NEURL2: variants seen among roughly 807,000 people sequenced by gnomAD.
NEURL2 encodes neuralized-like protein 2.
A neutral mutation model predicts 15.9 loss-of-function variants in NEURL2; 16 were observed. The observed-to-expected ratio is 1.01, with a 90% CI of 0.68 to 1.53. NEURL2 has a LOEUF of 1.53. Ranked by LOEUF, NEURL2 falls within the 40% of genes most tolerant of loss-of-function variation. The pLI is 0.00. For missense variants in NEURL2, 393 were observed against 407.8 expected (o/e 0.96, Z 0.31); for synonymous variants, 188 against 178.3 (o/e 1.05, Z -0.43).
chr20:45,890,612 C>T lies in NEURL2; in HGVS notation c.380G>A (p.Arg127His), dbSNP rs1374929338. ...RHHNRVPREG[R>H]PEAEAAAPSR... is the part of the protein sequence containing the mutation. The stretch of plus-strand genomic sequence containing the variant: ...GGGGGCCGCTGCCTCCGCCTCCGGG[C>T]GGCCCTCCCGGGGCACGCGGTTGTG... Residue 127 changes from arginine (R) to histidine (H), a missense_variant, in exon 1 of 2, where the codon CGC (arginine) becomes CAC (histidine). Coordinates refer to ENST00000372518, the MANE Select transcript of NEURL2 (RefSeq NM_080749.4). 6.2e-7 allele frequency: 1 copy of T among 1,612,640 alleles called. No homozygotes were observed. The highest frequency in any genetic ancestry group is 8.5e-7 in the Non-Finnish European group (1 of 1,179,490).
Position 45,890,278 on chromosome 20 carries a change from G to A in NEURL2, c.714C>T (p.Ser238=), listed in dbSNP as rs764757463. 1.9e-6 allele frequency: 3 copies of A among 1,613,690 alleles called. No individual in the cohort carries two copies. Among genetic ancestry groups the A allele is most frequent in the Non-Finnish European group, 2.5e-6 (3 of 1,180,038 alleles). Residue 238 remains serine, a synonymous_variant, in exon 1 of 2, where the codon AGC becomes AGT. Coordinates refer to ENST00000372518, the MANE Select transcript of NEURL2 (RefSeq NM_080749.4). ...CATACTCGAGCTGGACAAGGCGCAC[G>A]CTCTTTGTGGAAGCAAACACGTCCA... ...AVVDVFASTK[S]VRLVQLEYGL...
rs1986801136 is a variant in NEURL2 at position 45,891,081 on chromosome 20, T to C, written c.-90A>G. 7.6e-7 allele frequency: 1 copy of C among 1,324,158 alleles called. No homozygotes were observed. Among genetic ancestry groups the C allele is most frequent in the East Asian group, 2.5e-5 (1 of 39,300 alleles). The allele number at this position is 1,324,158 out of a possible 1,614,324, so 82.0% of individuals were successfully genotyped here. A position where few individuals can be genotyped will look rare whatever the true frequency, so the allele number is the denominator to read the frequency against. ...ACCGCAAGGCGACCTTGTAAGGCAT[T>C]TCCCCCCTGACTCCCTTCCCCGAGC... On this transcript the variant is annotated 5_prime_UTR_variant, in exon 1 of 2. Transcript: ENST00000372518. The surrounding 1 kb of genome is among the most constrained non-coding windows in gnomAD (Gnocchi z 4.6).
Position 45,891,107 on chromosome 20 carries a change from C to T in NEURL2, c.-116G>A. The T allele has an allele frequency of 2.5e-6, 3 of 1,182,546 alleles. No individual in the cohort carries two copies. Among genetic ancestry groups the T allele is most frequent in the South Asian group, 1.6e-5 (1 of 63,618 alleles). 73.3% of individuals were successfully genotyped at this position (1,182,546 alleles called of 1,614,324 possible). A position where few individuals can be genotyped will look rare whatever the true frequency, so the allele number is the denominator to read the frequency against. On this transcript the variant is annotated 5_prime_UTR_variant, in exon 1 of 2. Coordinates refer to ENST00000372518, the MANE Select transcript of NEURL2 (RefSeq NM_080749.4). This position sits in a 1 kb window ranked among gnomAD's most constrained non-coding sequence, Gnocchi z 4.6. ...TCCCCCCTGACTCCCTTCCCCGAGC[C>T]TCTGCCCGGGGGTCCTAGCGCCGCT...
chr20:45,889,623 T>TC (rs1986650460), intron 1 of NEURL2, among the ~76,000 whole-genome samples: 1 of 150,596 alleles, frequency 6.6e-6, no homozygotes, highest in Admixed American at 6.6e-5. Context: ...CTCTCTCTCT[T>TC]TCTTTTTTTT....
rs1986742394 is a variant in NEURL2 at position 45,890,645 on chromosome 20, G to C, written c.347C>G (p.Thr116Arg). ...NLGHTWVFAITRHHNRVPREG... is the reference protein window; with the variant it reads ...NLGHTWVFAIRRHHNRVPREG... Reference sequence around the variant, plus strand: ...CCGGGGCACGCGGTTGTGGTGGCGCGTGATGGCGAAGACCCAGGTGTGGCC... The same window carrying C: ...CCGGGGCACGCGGTTGTGGTGGCGCCTGATGGCGAAGACCCAGGTGTGGCC... Residue 116 changes from threonine (T) to arginine (R), a missense_variant, in exon 1 of 2, where the codon ACG becomes AGG. By Grantham distance (71) the Thr-to-Arg change is moderately conservative. Transcript: ENST00000372518. 1 of 1,613,382 alleles carries C rather than the reference G, an allele frequency of 6.2e-7. No homozygotes were observed.
chr20:45,890,566 G>T lies in NEURL2; in HGVS notation c.426C>A (p.Leu142=), dbSNP rs374500006. ...GCTCAATGCGCAGATATGGTTCCAC[G>T]AGGAGGGTTGGAGGTCGGCTGGGGG... ...AAAPSRPPTL[L]VEPYLRIEQF... is the part of the protein sequence containing the mutation. The change falls in exon 1 of 2, where the codon CTC becomes CTA. Residue 142 remains leucine (L), a synonymous_variant. Transcript: ENST00000372518. The T allele has an allele frequency of 5.3e-5, 86 of 1,612,012 alleles. 2 individuals carry two copies. In the African/African-American group the frequency reaches 8.9e-4, roughly 17 times the overall value.
Position 45,890,486 on chromosome 20 carries a change from C to G in NEURL2, c.506G>C (p.Ser169Thr). 1 of 1,597,878 alleles carries G rather than the reference C, an allele frequency of 6.3e-7. No homozygotes were observed. Among genetic ancestry groups the G allele is most frequent in the Non-Finnish European group, 8.5e-7 (1 of 1,171,624 alleles). ...LVGRSRPGLY[S>T]HLLDQLYELN... ...CTCATAGAGCTGGTCCAAGAGATGG[C>G]TGTAGAGCCCTGGCCGGCTGCGGCC... Residue 169 changes from serine to threonine, a missense_variant, in exon 1 of 2, where the codon AGC (serine) becomes ACC (threonine). By Grantham distance (58) the Ser-to-Thr change is moderately conservative. Coordinates refer to ENST00000372518, the MANE Select transcript of NEURL2 (RefSeq NM_080749.4).
In NEURL2 at chr20:45,890,728, C is replaced by A. The variant is rs1400588088; in HGVS notation, c.264G>T (p.Leu88=). 12 of 1,613,266 alleles carry A rather than the reference C, an allele frequency of 7.4e-6. No individual in the cohort carries two copies. In the African/African-American group the frequency reaches 9.3e-5, roughly 13 times the overall value. ...CGHLRLGLTA[L]DPASLAPVPE... The stretch of plus-strand genomic sequence containing the variant: ...GAACGGGGGCCAGACTGGCGGGGTC[C>A]AGCGCGGTCAGACCGAGACGCAGAT... The change falls in exon 1 of 2, where the codon CTG becomes CTT. Residue 88 remains leucine (L), a synonymous_variant. Transcript: ENST00000372518.
chr20:45,890,524 C>A lies in NEURL2; in HGVS notation c.468G>T (p.Arg156=). ...GCCGGCTGCGGCCCACCAGGCGGTC[C>A]CGGGGAATGCGAAACTGCTCAATGC... ...YLRIEQFRIP[R]DRLVGRSRPG... The change falls in exon 1 of 2, where the codon CGG becomes CGT. Residue 156 remains arginine, a synonymous_variant. Transcript: ENST00000372518. 6.2e-7 allele frequency: 1 copy of A among 1,604,944 alleles called. No individual in the cohort carries two copies. The highest frequency in any genetic ancestry group is 1.1e-5 in the South Asian group (1 of 89,904).
rs1470632404 is a variant in NEURL2 at position 45,890,239 on chromosome 20, G to T, written c.742+11C>A. 6.2e-7 allele frequency: 1 copy of T among 1,613,862 alleles called. No homozygotes were observed. The highest frequency in any genetic ancestry group is 8.5e-7 in the Non-Finnish European group (1 of 1,180,020). On this transcript the variant is annotated intron_variant, in intron 1 of 1. Coordinates refer to ENST00000372518, the MANE Select transcript of NEURL2 (RefSeq NM_080749.4). Reference sequence around the variant, plus strand: ...CTGAGCCAGGAGGGGTCGCTGCCCAGGGATACCTACAGCCATACTCGAGCT... The same window carrying T: ...CTGAGCCAGGAGGGGTCGCTGCCCATGGATACCTACAGCCATACTCGAGCT...
At position 45,890,409 on chromosome 20, in the gene NEURL2, A is replaced by T; in HGVS notation, c.583T>A (p.Cys195Ser). 3 of 1,612,292 alleles carry T rather than the reference A, an allele frequency of 1.9e-6. No homozygotes were observed. The highest frequency in any genetic ancestry group is 2.2e-5 in the South Asian group (2 of 91,030). ...TCGGCCGTGCCATCGGGGCGCGGGCAAAAGAGGACACCCAGGCGGCTACGG... is the reference window on the plus strand; with the variant it reads ...TCGGCCGTGCCATCGGGGCGCGGGCTAAAGAGGACACCCAGGCGGCTACGG... ...ARRSRLGVLF[C>S]PRPDGTADMH... is the part of the protein sequence containing the mutation. Residue 195 changes from cysteine (C) to serine (S), a missense_variant, in exon 1 of 2, where the codon TGC (cysteine) becomes AGC (serine). By Grantham distance (112) the Cys-to-Ser change is moderately radical. Coordinates refer to ENST00000372518, the MANE Select transcript of NEURL2 (RefSeq NM_080749.4).
In NEURL2 at chr20:45,890,248, A is replaced by G. The variant is rs749338872; in HGVS notation, c.742+2T>C. Reference sequence around the variant, plus strand: ...GAGGGGTCGCTGCCCAGGGATACCTACAGCCATACTCGAGCTGGACAAGGC... The same window carrying G: ...GAGGGGTCGCTGCCCAGGGATACCTGCAGCCATACTCGAGCTGGACAAGGC... On this transcript the variant is annotated splice_donor_variant, in intron 1 of 1. Coordinates refer to ENST00000372518, the MANE Select transcript of NEURL2 (RefSeq NM_080749.4). LOFTEE classifies it high-confidence loss of function. The G allele has an allele frequency of 8.7e-6, 14 of 1,613,852 alleles. No homozygotes were observed. The South Asian group carries it at 1.2e-4, about 14-fold the overall frequency.
Position 45,890,591 on chromosome 20 carries a change from G to T in NEURL2, c.401C>A (p.Ala134Asp). The T allele has an allele frequency of 6.2e-7, 1 of 1,612,432 alleles. No individual in the cohort carries two copies. Among genetic ancestry groups the T allele is most frequent in the African/African-American group, 1.3e-5 (1 of 75,038 alleles). Reference protein sequence around the residue: ...REGRPEAEAAAPSRPPTLLVE... With the variant: ...REGRPEAEAADPSRPPTLLVE... Reference sequence around the variant, plus strand: ...GAGGAGGGTTGGAGGTCGGCTGGGGGCCGCTGCCTCCGCCTCCGGGCGGCC... The same window carrying T: ...GAGGAGGGTTGGAGGTCGGCTGGGGTCCGCTGCCTCCGCCTCCGGGCGGCC... The change falls in exon 1 of 2, where the codon GCC becomes GAC. Residue 134 changes from alanine to aspartate, a missense_variant. Coordinates refer to ENST00000372518, the MANE Select transcript of NEURL2 (RefSeq NM_080749.4).
chr20:45,891,165 C>T lies in NEURL2; in HGVS notation c.-174G>A. On this transcript the variant is annotated 5_prime_UTR_variant, in exon 1 of 2. An upstream open reading frame in the 5' UTR gains an earlier in-frame stop. Coordinates refer to ENST00000372518, the MANE Select transcript of NEURL2 (RefSeq NM_080749.4). The surrounding 1 kb of genome is among the most constrained non-coding windows in gnomAD (Gnocchi z 4.6). ...CCATCCCGCCTACAACTTAGCCGTC[C>T]ACAACAGGATCATCTGATCGCGTGC... 2 of 1,015,740 alleles carry T rather than the reference C, an allele frequency of 2.0e-6. No homozygotes were observed. Among genetic ancestry groups the T allele is most frequent in the South Asian group, 1.5e-5 (1 of 64,880 alleles). 62.9% of individuals were successfully genotyped at this position (1,015,740 alleles called of 1,614,324 possible).
chr20:45,888,954 C>T (rs1302653184), intron 1 of NEURL2, 81 bp from the exon 2 acceptor site: 5 of 1,540,358 alleles, frequency 3.2e-6, no homozygotes, highest in Non-Finnish European at 4.4e-6. Flanking sequence ...AGGTCATGGT[C>T]CCCACTTTGT....
chr20:45,888,838 G>T lies in NEURL2; in HGVS notation c.778C>A (p.Gln260Lys). 4 of 1,613,958 alleles carry T rather than the reference G, an allele frequency of 2.5e-6. No individual in the cohort carries two copies. Among genetic ancestry groups the T allele is most frequent in the Non-Finnish European group, 3.4e-6 (4 of 1,179,804 alleles). Reference protein sequence around the residue: ...SLQTLCRLVIQRSMVHRLAID... With the variant: ...SLQTLCRLVIKRSMVHRLAID... ...GCCAGCCGGTGCACCATGCTCCTTTGTATCACTAGGCGGCACAGAGTCTGC... is the reference window on the plus strand; with the variant it reads ...GCCAGCCGGTGCACCATGCTCCTTTTTATCACTAGGCGGCACAGAGTCTGC... Residue 260 changes from glutamine to lysine, a missense_variant, in exon 2 of 2, where the codon CAA (glutamine) becomes AAA (lysine). By Grantham distance (53) the Gln-to-Lys change is moderately conservative (BLOSUM62 1). Transcript: ENST00000372518.
At position 45,890,318 on chromosome 20, in the gene NEURL2, G is replaced by T. The variant is rs753980880; in HGVS notation, c.674C>A (p.Pro225His). The change falls in exon 1 of 2, where the codon CCC becomes CAC. Residue 225 changes from proline (P) to histidine (H), a missense_variant. Transcript: ENST00000372518. ...PSARGLPAAQPLYAVVDVFAS... is the reference protein window; with the variant it reads ...PSARGLPAAQHLYAVVDVFAS... ...AAACACGTCCACCACCGCGTAGAGG[G>T]GCTGCGCAGCTGGCAGTCCCCGGGC... 4.3e-6 allele frequency: 7 copies of T among 1,613,238 alleles called. No individual in the cohort carries two copies. Among genetic ancestry groups the T allele is most frequent in the Non-Finnish European group, 5.9e-6 (7 of 1,180,052 alleles).
intron 1 of NEURL2, among the ~76,000 whole-genome samples, chr20:45,889,440 A>T (rs1158644603): frequency 6.6e-6 from 1 of 151,688 alleles, no homozygotes; most frequent in African/African-American, 2.4e-5. Flanking sequence ...GCAGCCTTCA[A>T]TTCTTGGGCT....
Position 45,890,213 on chromosome 20 carries a change from A to C in NEURL2, c.742+37T>G, listed in dbSNP as rs377477631. ...AGCCCTAGTAGATTCCAGTCCCCAC[A>C]CTGAGCCAGGAGGGGTCGCTGCCCA... On this transcript the variant is annotated intron_variant, in intron 1 of 1. Coordinates refer to ENST00000372518, the MANE Select transcript of NEURL2 (RefSeq NM_080749.4). 3.6e-4 allele frequency: 579 copies of C among 1,612,548 alleles called. 5 individuals are homozygous for C. The African/African-American group carries it at 7.1e-3, about 20-fold the overall frequency.
Sources: gnomAD v4.1 joint callset for allele counts (sites outside exome capture counted in the v4.1 genomes callset) on GRCh38, gnomAD v4.1.1 for gene constraint, Gnocchi (gnomAD v3.1) non-coding constraint, MANE v1.5 for transcripts, NCBI Gene and HGNC (gene_info 2026-07-23, HGNC 2026-07-21) for gene names.